PIK3CD: variants seen among roughly 807,000 people sequenced by gnomAD.
PIK3CD encodes the protein phosphatidylinositol 4,5-bisphosphate 3-kinase catalytic subunit delta isoform.
In PIK3CD, 20 loss-of-function variants were observed where a neutral mutation model predicts 122.9. The ratio of observed to expected loss-of-function variants is 0.16; its 90% CI spans 0.11 to 0.24. The LOEUF (loss-of-function observed/expected upper bound fraction) is 0.24, where lower values mean the gene tolerates loss of function less well. PIK3CD is among the 10% of genes least tolerant of loss of function. The pLI is 1.00. For missense variants in PIK3CD, 787 were observed against 1,406.3 expected (o/e 0.56, Z 7.04); for synonymous variants, 596 against 593.4 (o/e 1.00, Z -0.06).
Position 9,715,850 on chromosome 1 carries a change from C to A in PIK3CD, c.372C>A (p.Gly124=). 1 of 1,590,858 alleles carries A rather than the reference C, an allele frequency of 6.3e-7. No individual in the cohort carries two copies. Among genetic ancestry groups the A allele is most frequent in the Non-Finnish European group, 8.6e-7 (1 of 1,160,514 alleles). ...NSQISLLIGK[G]LHEFDSLCDP... The stretch of plus-strand genomic sequence containing the variant: ...GACCCAGCCCTCCCCACCCCGCAGG[C>A]CTCCACGAGTTTGACTCCTTGTGCG... The change falls in exon 5 of 24, where the codon GGC becomes GGA. Residue 124 remains glycine (G), a splice_region_variant and synonymous_variant. Coordinates refer to ENST00000377346, the MANE Select transcript of PIK3CD (RefSeq NM_005026.5). The surrounding 1 kb of genome is among the most constrained non-coding windows in gnomAD (Gnocchi z 4.1).
At chr1:9,649,994 A>C (rs910967293), upstream of PIK3CD, among the ~76,000 whole-genome samples, 12 of 152,230 alleles carry the variant, frequency 7.9e-5, no homozygotes, top group Non-Finnish European at 1.3e-4. Flanking sequence ...TACATAAGGC[A>C]GATTAACAAG....
At position 9,711,441 on chromosome 1, in the gene PIK3CD, G is replaced by A. The variant is rs1022328727; in HGVS notation, c.141+845G>A. 4.6e-5 allele frequency among the ~76,000 whole-genome samples: 7 copies of A among 152,200 alleles called. No individual in the cohort carries two copies. The South Asian group carries it at 8.3e-4, about 18-fold the overall frequency. On this transcript the variant is annotated intron_variant, in intron 3 of 23. Coordinates refer to ENST00000377346, the MANE Select transcript of PIK3CD (RefSeq NM_005026.5). The stretch of plus-strand genomic sequence containing the variant: ...GAGTTGTTGAAAGACTTGTGGTTGC[G>A]TCCAATTATTCCAATTTCAGCTTTC...
rs570251897 is a variant in PIK3CD at position 9,662,139 on chromosome 1, T to C, written c.-138+10337T>C. 6.4e-4 allele frequency among the ~76,000 whole-genome samples: 97 copies of C among 152,100 alleles called. No individual in the cohort carries two copies. In the South Asian group the frequency reaches 0.02, roughly 31 times the overall value. On this transcript the variant is annotated intron_variant, in intron 1 of 23. Coordinates refer to ENST00000377346, the MANE Select transcript of PIK3CD (RefSeq NM_005026.5). ...GAGATCATGCCACTGCACTCCAACCTGGGCGACAGAGCGAGACTCGATCTC... is the reference window on the plus strand; with the variant it reads ...GAGATCATGCCACTGCACTCCAACCCGGGCGACAGAGCGAGACTCGATCTC...
Position 9,720,231 on chromosome 1 carries a change from G to A in PIK3CD, c.1459G>A (p.Ala487Thr), listed in dbSNP as rs201282174. ...GGCCCCGCACCCCGTGTACTACCCC[G>A]CCCTGGAGAAGGTCAGTGGGGGCCC... is the stretch of plus-strand genomic sequence containing the variant. ...EVAPHPVYYP[A>T]LEKILELGRH... The change falls in exon 11 of 24, where the codon GCC becomes ACC. Residue 487 changes from alanine (A) to threonine (T), a missense_variant. Ala to Thr is a moderately conservative substitution (Grantham distance 58, BLOSUM62 0). Transcript: ENST00000377346. This position sits in a 1 kb window ranked among gnomAD's most constrained non-coding sequence, Gnocchi z 9.0. 148 of 1,605,990 alleles carry A rather than the reference G, an allele frequency of 9.2e-5. No individual in the cohort carries two copies. The highest frequency in any genetic ancestry group is 4.5e-4 in the African/African-American group (34 of 74,792).
chr1:9,719,911 C>G lies in PIK3CD; in HGVS notation c.1243-10C>G. On this transcript the variant is annotated splice_polypyrimidine_tract_variant and intron_variant, in intron 9 of 23. Transcript: ENST00000377346. This position sits in a 1 kb window ranked among gnomAD's most constrained non-coding sequence, Gnocchi z 5.5. ...GAGTGGCTGTCCTCACCTGCCCTGTCCTTCTGCAGGACTGCCCCATTGCCT... is the reference window on the plus strand; with the variant it reads ...GAGTGGCTGTCCTCACCTGCCCTGTGCTTCTGCAGGACTGCCCCATTGCCT... 6.2e-7 allele frequency: 1 copy of G among 1,611,898 alleles called. No homozygotes were observed. Among genetic ancestry groups the G allele is most frequent in the South Asian group, 1.1e-5 (1 of 91,044 alleles).
intron 1 of PIK3CD, chr1:9,654,547 G>C (rs956856230): frequency 2.3e-5 from 13 of 554,866 alleles, no homozygotes; most frequent in African/African-American, 4.0e-5. Flanking sequence ...TGGGGATGGT[G>C]AGAGTCGGTT....
chr1:9,645,997 C>G, the PIK3CD span, among the ~76,000 whole-genome samples: 1 of 151,982 alleles, frequency 6.6e-6, no homozygotes, highest in South Asian at 2.1e-4. Context: ...GTCTCAAACT[C>G]CTGGCCTCAG....
chr1:9,680,085 A>G (rs1367200284), intron 1 of PIK3CD, among the ~76,000 whole-genome samples: 1 of 152,188 alleles, frequency 6.6e-6, no homozygotes, highest in Non-Finnish European at 1.5e-5. Flanking sequence ...TTGGCATCCC[A>G]AAGTGCTAGG....
At chr1:9,665,746 C>T (rs1305805427) in intron 1 of PIK3CD, among the ~76,000 whole-genome samples, 1 of 151,910 alleles carries the variant, frequency 6.6e-6, no homozygotes, top group African/African-American at 2.4e-5. Context: ...TCCTATAAAC[C>T]CTTTCATTCT....
rs901613514 is a variant in PIK3CD at position 9,700,187 on chromosome 1, G to A, written c.-33+8616G>A. Among the ~76,000 whole-genome samples the A allele has an allele frequency of 2.6e-5, 4 of 152,168 alleles. No individual in the cohort carries two copies. Among genetic ancestry groups the A allele is most frequent in the African/African-American group, 9.7e-5 (4 of 41,436 alleles). On this transcript the variant is annotated intron_variant, in intron 2 of 23. Transcript: ENST00000377346. This position sits in a 1 kb window ranked among gnomAD's most constrained non-coding sequence, Gnocchi z 5.1. The stretch of plus-strand genomic sequence containing the variant: ...TCACTCTTGCCCAGGCTGGAATGCA[G>A]TGGTGTGATCTCGGCTCATTGCAGC...
chr1:9,721,175 C>T lies in PIK3CD; in HGVS notation c.1738C>T (p.Leu580=), dbSNP rs1570385752. The T allele has an allele frequency of 6.2e-7, 1 of 1,613,326 alleles. No homozygotes were observed. Among genetic ancestry groups the T allele is most frequent in the South Asian group, 1.1e-5 (1 of 91,080 alleles). ...SWPELPVLSA[L]ELLDFSFPDC... is the part of the protein sequence containing the mutation. ...GCCGGAGCTGCCCGTCCTGAGCGCC[C>T]TGGAGCTGCTAGACTTCAGCTTCCC... Residue 580 remains leucine (L), a synonymous_variant, in exon 14 of 24, where the codon CTG becomes TTG. Transcript: ENST00000377346.
chr1:9,643,395 G>A, the PIK3CD span, among the ~76,000 whole-genome samples: 1 of 141,234 alleles, frequency 7.1e-6, no homozygotes, highest in South Asian at 2.5e-4. Context: ...GTGACAGAGT[G>A]GGACTCCACC....
intron 1 of PIK3CD, among the ~76,000 whole-genome samples, chr1:9,680,157 G>A (rs1432530041): frequency 1.3e-5 from 2 of 151,914 alleles, no homozygotes; most frequent in African/African-American, 4.8e-5. Context: ...TAAATTTTTT[G>A]TAGAGATGGA....
chr1:9,655,446 GC>G (rs59942799), intron 1 of PIK3CD, among the ~76,000 whole-genome samples: 28,093 of 78,700 alleles, frequency 0.36, 2,292 homozygotes, highest in East Asian at 0.58. Flanking sequence ...GGAACCCCCC[GC>G]CCCCCCCCCT....
At chr1:9,658,259 G>A (rs866813211) in intron 1 of PIK3CD, among the ~76,000 whole-genome samples, 2 of 151,738 alleles carry the variant, frequency 1.3e-5, no homozygotes, top group Admixed American at 6.6e-5. Flanking sequence ...TGTGATGCAC[G>A]CCTGTAGCCC....
Position 9,689,879 on chromosome 1 carries a change from G to C in PIK3CD, c.-137-1588G>C, listed in dbSNP as rs1351151728. ...AGGGGTCCGGGGCCGTGGGGGCTTG[G>C]GGGGCCGAGGCAGGGGGTTGCGTTC... is the stretch of plus-strand genomic sequence containing the variant. On this transcript the variant is annotated intron_variant, in intron 1 of 23. Coordinates refer to ENST00000377346, the MANE Select transcript of PIK3CD (RefSeq NM_005026.5). This position sits in a 1 kb window ranked among gnomAD's most constrained non-coding sequence, Gnocchi z 6.1. Among the ~76,000 whole-genome samples the C allele has an allele frequency of 6.6e-6, 1 of 151,854 alleles. No individual in the cohort carries two copies. The highest frequency in any genetic ancestry group is 6.6e-5 in the Admixed American group (1 of 15,248).
chr1:9,711,120 A>G (rs1279160274), intron 3 of PIK3CD, among the ~76,000 whole-genome samples: 1 of 151,808 alleles, frequency 6.6e-6, no homozygotes, highest in South Asian at 2.1e-4. Context: ...TTTTGAGACA[A>G]TCTCGCTCTG....
At chr1:9,688,189 AC>A (rs1158094980) in intron 1 of PIK3CD, 4 of 152,178 alleles carry the variant, frequency 2.6e-5, no homozygotes, top group Non-Finnish European at 5.9e-5. Context: ...CCTTGACCTC[AC>A]GTGCAGCAAT....
intron 3 of PIK3CD, among the ~76,000 whole-genome samples, chr1:9,714,073 A>AACTCCTGTGCTCAAGTGT (rs1647167523): frequency 1.3e-5 from 2 of 152,046 alleles, no homozygotes; most frequent in Admixed American, 1.3e-4. Context: ...GCTGGCCGTG[A>AACTCCTGTGCTCAAGTGT]ACTCCTGTGC....
Sources: allele counts gnomAD v4.1 joint callset (sites outside exome capture counted in the v4.1 genomes callset), GRCh38; gene constraint gnomAD v4.1.1; non-coding constraint Gnocchi (gnomAD v3.1); transcripts MANE v1.5; gene names NCBI Gene and HGNC (gene_info 2026-07-23, HGNC 2026-07-21).